The following KMT2C variants were observed in gnomAD, a reference collection of about 807,000 sequenced individuals.
KMT2C encodes the protein histone-lysine N-methyltransferase 2C.
A neutral mutation model predicts 507.9 loss-of-function variants in KMT2C; 88 were observed. That is an observed-to-expected ratio of 0.17 (90% CI 0.15 to 0.21). The LOEUF (loss-of-function observed/expected upper bound fraction) is 0.21, where lower values mean the gene tolerates loss of function less well. Ranked by LOEUF, KMT2C falls within the 10% of genes least tolerant of loss-of-function variation. The pLI, the probability that KMT2C is intolerant of heterozygous loss-of-function variation, is 1.00. For synonymous variants in KMT2C, 2,049 were observed against 2,080.8 expected (o/e 0.98, Z 0.42); for missense variants, 4,954 against 5,957.8 (o/e 0.83, Z 5.55).
At chr7:152,156,644 G>A (rs2129100029) in intron 44 of KMT2C, among the ~76,000 whole-genome samples, 1 of 152,228 alleles carries the variant, frequency 6.6e-6, no homozygotes, top group East Asian at 1.9e-4. Flanking sequence ...AATTCTTCAA[G>A]TTTCGTGGTT....
chr7:152,163,355 G>C lies in KMT2C; in HGVS notation c.10222C>G (p.Gln3408Glu). 6.2e-7 allele frequency: 1 copy of C among 1,614,142 alleles called. No individual in the cohort carries two copies. ...ATGAGTTGGATCCGTTGTCTCTCTT[G>C]CTGTTCTCGTAAACGTTCCTTACGT... ...RERKERLREQ[Q>E]ERQRIQLMQE... The change falls in exon 43 of 59, where the codon CAA becomes GAA. Residue 3408 changes from glutamine to glutamate, a missense_variant. This residue lies in a region of KMT2C where 801 missense variants were observed against 751.2 expected (regional missense o/e 1.07). Coordinates refer to ENST00000262189, the MANE Select transcript of KMT2C (RefSeq NM_170606.3).
chr7:152,252,392 C>T (rs2095575885), intron 10 of KMT2C, among the ~76,000 whole-genome samples, 154 bp downstream of exon 10: 1 of 152,130 alleles, frequency 6.6e-6, no homozygotes, highest in Non-Finnish European at 1.5e-5. Flanking sequence ...GCCTTTGAGA[C>T]TCAAAAACAT....
intron 52 of KMT2C, among the ~76,000 whole-genome samples, chr7:152,147,320 A>G (rs2091203120): frequency 1.3e-5 from 2 of 152,254 alleles, no homozygotes; most frequent in South Asian, 2.1e-4. Flanking sequence ...GTTCCTATAC[A>G]TTGTCTTATG....
intron 1 of KMT2C, among the ~76,000 whole-genome samples, chr7:152,374,521 T>C (rs1387844559): frequency 1.3e-5 from 2 of 152,098 alleles, no homozygotes; most frequent in Non-Finnish European, 2.9e-5. Context: ...GCAAGGAGTA[T>C]CATTTCAGAT....
intron 1 of KMT2C, among the ~76,000 whole-genome samples, chr7:152,429,909 G>C (rs1324018907): frequency 6.6e-6 from 1 of 151,740 alleles, no homozygotes; most frequent in Non-Finnish European, 1.5e-5. Flanking sequence ...GGGCGTGGTG[G>C]CTCACGTCTG....
At chr7:152,359,288 G>GAA (rs35157323) in intron 1 of KMT2C, among the ~76,000 whole-genome samples, 47 of 81,168 alleles carry the variant, frequency 5.8e-4, no homozygotes, top group South Asian at 1.5e-3. Context: ...GAAAGCAATT[G>GAA]AAAAAAAAAA....
At chr7:152,413,158 A>G (rs2097699527) in intron 1 of KMT2C, among the ~76,000 whole-genome samples, 4 of 152,176 alleles carry the variant, frequency 2.6e-5, no homozygotes, top group Admixed American at 6.6e-5. Flanking sequence ...CACTTTGTCC[A>G]GGCTGGAGTG....
At chr7:152,319,525 C>T (rs906944761) in intron 3 of KMT2C, among the ~76,000 whole-genome samples, 1 of 151,984 alleles carries the variant, frequency 6.6e-6, no homozygotes, top group Non-Finnish European at 1.5e-5. Flanking sequence ...GCGTCAGTGT[C>T]AAGGAAAAAC....
At chr7:152,433,131 G>A (rs972133733) in intron 1 of KMT2C, among the ~76,000 whole-genome samples, 19 of 150,112 alleles carry the variant, frequency 1.3e-4, no homozygotes, top group Admixed American at 3.3e-4. Context: ...CTGGGCTACA[G>A]AGCAAGACTT....
chr7:152,324,223 T>C (rs1488876048), intron 3 of KMT2C, among the ~76,000 whole-genome samples: 3 of 151,486 alleles, frequency 2.0e-5, no homozygotes, highest in East Asian at 3.9e-4. Flanking sequence ...GGGTGACCTA[T>C]ATTTTAAAAT....
intron 39 of KMT2C, among the ~76,000 whole-genome samples, chr7:152,173,779 C>A (rs1398938381): frequency 6.6e-6 from 1 of 152,082 alleles, no homozygotes; most frequent in Non-Finnish European, 1.5e-5. Flanking sequence ...CACTCAGTGT[C>A]TTAACTGAAA....
chr7:152,289,215 G>C (rs1388647099), intron 6 of KMT2C, among the ~76,000 whole-genome samples: 1 of 152,140 alleles, frequency 6.6e-6, no homozygotes, highest in Non-Finnish European at 1.5e-5. Context: ...AGCTATGGTG[G>C]GTAAAACTGT....
intron 1 of KMT2C, among the ~76,000 whole-genome samples, chr7:152,394,345 C>T (rs1193820343): frequency 6.6e-6 from 1 of 152,206 alleles, no homozygotes; most frequent in African/African-American, 2.4e-5. Context: ...AATCTGACTC[C>T]CCACGCTACT....
chr7:152,327,957 CAAAAAAAAAA>C (rs371396057), intron 3 of KMT2C, among the ~76,000 whole-genome samples: 30 of 78,704 alleles, frequency 3.8e-4, no homozygotes, highest in African/African-American at 1.4e-3. Flanking sequence ...GACTCCGCCT[CAAAAAAAAAA>C]AAAAAAAAGA....
At chr7:152,297,055 C>CAGAGAGAGAGAGAG (rs769381866) in intron 6 of KMT2C, among the ~76,000 whole-genome samples, 49 of 84,430 alleles carry the variant, frequency 5.8e-4, no homozygotes, top group Middle Eastern at 6.0e-3. Context: ...GAAAGAAAGA[C>CAGAGAGAGAGAGAG]AGAGAGAGAG....
intron 1 of KMT2C, among the ~76,000 whole-genome samples, chr7:152,372,998 C>A (rs1004775522): frequency 1.3e-5 from 2 of 152,082 alleles, no homozygotes; most frequent in Non-Finnish European, 2.9e-5. Context: ...AGAATGAAAT[C>A]ATTTCAAGTA....
chr7:152,263,222 CA>C (rs1366284500), intron 8 of KMT2C, 92 bp from the exon 9 acceptor site: 3 of 1,084,340 alleles, frequency 2.8e-6, no homozygotes, highest in South Asian at 1.5e-5. Flanking sequence ...CTGGGAACTG[CA>C]CAGTTCATAA....
chr7:152,380,517 G>A (rs1346096405), intron 1 of KMT2C, among the ~76,000 whole-genome samples: 1 of 150,576 alleles, frequency 6.6e-6, no homozygotes, highest in Admixed American at 6.6e-5. Flanking sequence ...GCAGTGAGCC[G>A]AGATCGCACC....
chr7:152,429,171 T>C (rs140754216), intron 1 of KMT2C, among the ~76,000 whole-genome samples: 2 of 152,302 alleles, frequency 1.3e-5, no homozygotes, highest in African/African-American at 4.8e-5. Context: ...TAGGCCACAA[T>C]AAATCTTCCA....
Sources: allele counts gnomAD v4.1 joint callset (sites outside exome capture counted in the v4.1 genomes callset), GRCh38; gene constraint gnomAD v4.1.1; regional missense constraint gnomAD v4.1.1; transcripts MANE v1.5; gene names NCBI Gene and HGNC (gene_info 2026-07-23, HGNC 2026-07-21).